USP22: variants seen among roughly 807,000 people sequenced by gnomAD.
USP22 encodes the protein ubiquitin specific peptidase 22, also known as ubiquitin carboxyl-terminal hydrolase 22.
A neutral mutation model predicts 68.1 loss-of-function variants in USP22; 22 were observed. That is an observed-to-expected ratio of 0.32 (90% CI 0.23 to 0.46). The LOEUF is 0.46. USP22 is among the 20% of genes least tolerant of loss of function. The probability of loss-of-function intolerance (pLI) is 1.00; values close to 1 mark genes in which losing one functional copy is unlikely to be tolerated. For synonymous variants in USP22, 279 were observed against 274.2 expected (o/e 1.02, Z -0.17); for missense variants, 433 against 695.8 (o/e 0.62, Z 4.25).
chr17:21,013,394 A>G lies in USP22; in HGVS notation c.839-459T>C, dbSNP rs114745665. Among the ~76,000 whole-genome samples, 1,308 of 152,300 alleles carry G rather than the reference A, an allele frequency of 8.6e-3. 24 individuals carry two copies. The highest frequency in any genetic ancestry group is 0.029 in the African/African-American group (1,209 of 41,554). On this transcript the variant is annotated intron_variant, in intron 6 of 12. Coordinates refer to ENST00000261497, the MANE Select transcript of USP22 (RefSeq NM_015276.2). ...ACACCGCAGGACACAGGCTGTCCTC[A>G]TCAGCTAGAGCCCCCAGGGGACAGC...
At chr17:21,032,124 G>A (rs1404120397) in intron 1 of USP22, among the ~76,000 whole-genome samples, 3 of 150,552 alleles carry the variant, frequency 2.0e-5, no homozygotes, top group African/African-American at 5.0e-5. Context: ...GCTTACAACC[G>A]TCTTTCAACT....
At chr17:21,038,589 C>T (rs1972385576) in intron 1 of USP22, among the ~76,000 whole-genome samples, 1 of 151,632 alleles carries the variant, frequency 6.6e-6, no homozygotes, top group African/African-American at 2.4e-5. Flanking sequence ...GATCACTGGA[C>T]CCCAGGAACT....
rs1913696891 is a variant in USP22 at position 21,004,146 on chromosome 17, C to CGGAGGG, written c.1535+50_1535+55dup. On this transcript the variant is annotated intron_variant, in intron 12 of 12. Coordinates refer to ENST00000261497, the MANE Select transcript of USP22 (RefSeq NM_015276.2). The stretch of plus-strand genomic sequence containing the variant: ...AGACATGGGCTAGTCTCAGCTATAC[C>CGGAGGG]GGAGGGGAAGCACCGTAGCCACCGT... 39 of 1,592,974 alleles carry CGGAGGG rather than the reference C, an allele frequency of 2.4e-5. No homozygotes were observed. In the South Asian group the frequency reaches 4.3e-4, roughly 18 times the overall value.
chr17:21,023,931 A>G (rs915550241), intron 2 of USP22, among the ~76,000 whole-genome samples: 1 of 152,206 alleles, frequency 6.6e-6, no homozygotes, highest in Admixed American at 6.5e-5. Flanking sequence ...TAAACAGGGA[A>G]GTCTTGGAAC....
rs549757794 is a variant in USP22 at position 21,015,765 on chromosome 17, G to A, written c.825C>T (p.His275=). 6.2e-7 allele frequency: 1 copy of A among 1,613,168 alleles called. No homozygotes were observed. The highest frequency in any genetic ancestry group is 1.3e-5 in the African/African-American group (1 of 75,016). The change falls in exon 6 of 13, where the codon CAC becomes CAT. Residue 275 remains histidine (H), a synonymous_variant. Transcript: ENST00000261497. ...EFLIAALDVL[H]RHCKGDDNGK... is the part of the protein sequence containing the mutation. ...CCCAGGGCCCACCTTTGCAGTGTCGGTGGAGCACGTCCAGGGCCGCGATGA... is the reference window on the plus strand; with the variant it reads ...CCCAGGGCCCACCTTTGCAGTGTCGATGGAGCACGTCCAGGGCCGCGATGA...
chr17:21,032,285 A>G (rs989449999), intron 1 of USP22, among the ~76,000 whole-genome samples: 1 of 152,228 alleles, frequency 6.6e-6, no homozygotes, highest in African/African-American at 2.4e-5. Context: ...AAAATCGCCT[A>G]ACAATGCATT....
At chr17:21,038,349 T>G (rs1486773836) in intron 1 of USP22, among the ~76,000 whole-genome samples, 1 of 152,166 alleles carries the variant, frequency 6.6e-6, no homozygotes, top group Non-Finnish European at 1.5e-5. Context: ...TCCCAGCACC[T>G]GGCTGAGCCA....
intron 5 of USP22, 34 bp downstream of exon 5, chr17:21,017,908 G>A: frequency 6.2e-7 from 1 of 1,604,954 alleles, no homozygotes; most frequent in Non-Finnish European, 8.5e-7. Flanking sequence ...CAAAGTAACA[G>A]AAATGTTCCC....
chr17:21,038,351 G>A (rs1668368260), intron 1 of USP22, among the ~76,000 whole-genome samples: 1 of 152,116 alleles, frequency 6.6e-6, no homozygotes, highest in African/African-American at 2.4e-5. Context: ...CCAGCACCTG[G>A]CTGAGCCAGT....
rs568198905 is a variant in USP22 at position 21,022,005 on chromosome 17, C to T, written c.305-779G>A. 3.9e-5 allele frequency among the ~76,000 whole-genome samples: 6 copies of T among 152,218 alleles called. No homozygotes were observed. The South Asian group carries it at 1.0e-3, about 26-fold the overall frequency. On this transcript the variant is annotated intron_variant, in intron 2 of 12. Coordinates refer to ENST00000261497, the MANE Select transcript of USP22 (RefSeq NM_015276.2). ...ACCCCAGCTATTCGGGGAGCTGAGG[C>T]GTGAGAACAGCTGAAACCTGGGAAG...
intron 7 of USP22, 117 bp from the exon 8 acceptor site, chr17:21,011,426 C>T: frequency 1.5e-6 from 2 of 1,330,884 alleles, no homozygotes; most frequent in Non-Finnish European, 2.1e-6. Context: ...GTCACAGTGA[C>T]ACTCAGGTGG....
chr17:21,021,003 A>G, intron 3 of USP22, 110 bp downstream of exon 3: 1 of 839,106 alleles, frequency 1.2e-6, no homozygotes, highest in East Asian at 2.6e-5. Context: ...GCCTCTTCCC[A>G]CCAGCCTGCC....
At chr17:21,009,480 A>G (rs1046008817) in intron 8 of USP22, among the ~76,000 whole-genome samples, 2 of 151,644 alleles carry the variant, frequency 1.3e-5, no homozygotes, top group Non-Finnish European at 1.5e-5. Flanking sequence ...GGTGCACTCT[A>G]CCTCTCCTCC....
intron 7 of USP22, 33 bp from the exon 8 acceptor site, chr17:21,011,342 A>C: frequency 5.2e-6 from 8 of 1,550,812 alleles, no homozygotes; most frequent in African/African-American, 1.4e-5. Context: ...GGCTGTGAGG[A>C]CTGACACCCA....
At chr17:21,005,059 A>G in intron 10 of USP22, 69 bp from the exon 11 acceptor site, 1 of 1,554,212 alleles carries the variant, frequency 6.4e-7, no homozygotes, top group Non-Finnish European at 8.9e-7. Flanking sequence ...GGCTCTCGTG[A>G]AACCAACACT....
intron 1 of USP22, among the ~76,000 whole-genome samples, chr17:21,030,566 A>G (rs548310154): frequency 9.0e-4 from 137 of 152,370 alleles, no homozygotes; most frequent in African/African-American, 3.2e-3. Flanking sequence ...CCCACCACAG[A>G]GCAGGCAAGT....
intron 7 of USP22, among the ~76,000 whole-genome samples, chr17:21,012,015 A>G (rs992436794): frequency 6.6e-6 from 1 of 152,224 alleles, no homozygotes; most frequent in African/African-American, 2.4e-5. Flanking sequence ...TGACACAGGC[A>G]GCACTGGCCT....
chr17:21,008,415 G>A (rs566855734), intron 8 of USP22, among the ~76,000 whole-genome samples: 1 of 152,242 alleles, frequency 6.6e-6, no homozygotes, highest in African/African-American at 2.4e-5. Flanking sequence ...ACTGTACCAT[G>A]GAGTATGAGA....
chr17:21,019,091 G>A lies in USP22; in HGVS notation c.513C>T (p.Cys171=). 1.2e-6 allele frequency: 2 copies of A among 1,614,134 alleles called. No homozygotes were observed. The highest frequency in any genetic ancestry group is 1.1e-5 in the South Asian group (1 of 91,088). ...ACGACACGCTCCACCCACCTATGGT[G>A]CAGTTCGAGGTGATCTTTCTCCTTT... The part of the protein sequence containing the change: ...NPKRRKITSN[C]TIGLRGLINL... The change falls in exon 4 of 13, where the codon TGC becomes TGT. Residue 171 remains cysteine, a synonymous_variant. Coordinates refer to ENST00000261497, the MANE Select transcript of USP22 (RefSeq NM_015276.2).
Sources: allele counts gnomAD v4.1 joint callset (sites outside exome capture counted in the v4.1 genomes callset), GRCh38; gene constraint gnomAD v4.1.1; transcripts MANE v1.5; gene names NCBI Gene and HGNC (gene_info 2026-07-23, HGNC 2026-07-21).